TACC2: variants seen among roughly 807,000 people sequenced by gnomAD.
TACC2 encodes the protein transforming acidic coiled-coil-containing protein 2.
Under a neutral mutation model 227.3 loss-of-function variants are expected in TACC2, and 137 were observed. The ratio of observed to expected loss-of-function variants is 0.60; its 90% confidence interval spans 0.52 to 0.69. The LOEUF (loss-of-function observed/expected upper bound fraction) is 0.69, where lower values mean the gene tolerates loss of function less well. Among genes scored for constraint, TACC2 ranks in the 30% least tolerant of loss-of-function variants. The probability of loss-of-function intolerance (pLI) is 0.00; values close to 1 mark genes in which losing one functional copy is unlikely to be tolerated. For synonymous variants in TACC2, 1,523 were observed against 1,487.5 expected (o/e 1.02, Z -0.55); for missense variants, 3,470 against 3,694.4 (o/e 0.94, Z 1.57).
At position 122,216,648 on chromosome 10, in the gene TACC2, C is replaced by G; in HGVS notation, c.7366C>G (p.Pro2456Ala). The change falls in exon 11 of 23, where the codon CCA (proline) becomes GCA (alanine). Residue 2456 changes from proline to alanine, a missense_variant. Transcript: ENST00000369005. ...GCAGGACCCCACCCCAGCTGCTACACCAGAAACACCACCAGTGATCTCTGC... is the reference window on the plus strand; with the variant it reads ...GCAGGACCCCACCCCAGCTGCTACAGCAGAAACACCACCAGTGATCTCTGC... ...PSQDPTPAAT[P>A]ETPPVISAVV... 6.2e-7 allele frequency: 1 copy of G among 1,613,884 alleles called. No individual in the cohort carries two copies. Among genetic ancestry groups the G allele is most frequent in the East Asian group, 2.2e-5 (1 of 44,842 alleles).
Position 122,083,946 on chromosome 10 carries a change from A to G in TACC2, c.1446A>G (p.Pro482=). The G allele has an allele frequency of 6.2e-7, 1 of 1,614,112 alleles. No homozygotes were observed. Among genetic ancestry groups the G allele is most frequent in the Non-Finnish European group, 8.5e-7 (1 of 1,180,028 alleles). Residue 482 remains proline, a synonymous_variant, in exon 4 of 23, where the codon CCA becomes CCG. Transcript: ENST00000369005. ...ATCTTGGAAGCAAGGGAGAGCATCC[A>G]GAAGGGGACCCTGGAGAGGTTCCTG... is the stretch of plus-strand genomic sequence containing the variant. The part of the protein sequence containing the change: ...VSDLGSKGEH[P]EGDPGEVPAP...
intron 8 of TACC2, among the ~76,000 whole-genome samples, chr10:122,199,757 C>T (rs574256633): frequency 6.6e-6 from 1 of 152,292 alleles, no homozygotes; most frequent in Admixed American, 6.5e-5. Context: ...AAATGTATTG[C>T]TTACAGTTCT....
At chr10:122,088,845 G>A in intron 5 of TACC2, 1 of 1,211,230 alleles carries the variant, frequency 8.3e-7, no homozygotes, top group Non-Finnish European at 1.1e-6. Flanking sequence ...GTCAGTCTGG[G>A]TGCGGTGGCT....
At chr10:121,990,944 C>T (rs1393793978) in intron 1 of TACC2, among the ~76,000 whole-genome samples, 2 of 152,078 alleles carry the variant, frequency 1.3e-5, no homozygotes, top group Non-Finnish European at 2.9e-5. Context: ...CCTGCCACCA[C>T]GCCCAGCTAA....
rs1025016213 is a variant in TACC2, at chr10:122,085,329, A to C, written c.2829A>C (p.Ala943=). 6.2e-7 allele frequency: 1 copy of C among 1,614,060 alleles called. No homozygotes were observed. Reference sequence around the variant, plus strand: ...CACCAACGAGACAGAAGTTGCCTGCACTAGGGGAGAAGCGGCCAGAGGGAG... The same window carrying C: ...CACCAACGAGACAGAAGTTGCCTGCCCTAGGGGAGAAGCGGCCAGAGGGAG... ...LSAPTRQKLP[A]LGEKRPEGAC... is the part of the protein sequence containing the mutation. The change falls in exon 4 of 23, where the codon GCA becomes GCC. Residue 943 remains alanine (A), a synonymous_variant. Transcript: ENST00000369005.
intron 3 of TACC2, among the ~76,000 whole-genome samples, chr10:122,082,338 T>C (rs2079605439): frequency 6.6e-6 from 1 of 152,104 alleles, no homozygotes; most frequent in Non-Finnish European, 1.5e-5. Flanking sequence ...CCTTTTTGGG[T>C]TTCCCACATT....
chr10:122,031,693 A>G (rs547352229), intron 2 of TACC2, among the ~76,000 whole-genome samples: 39 of 144,372 alleles, frequency 2.7e-4, no homozygotes, highest in African/African-American at 7.5e-4. Context: ...GTGAGCCACC[A>G]CGCCTGGCCC....
At chr10:122,015,930 T>C (rs1351513806) in intron 1 of TACC2, among the ~76,000 whole-genome samples, 2 of 149,064 alleles carry the variant, frequency 1.3e-5, no homozygotes, top group Non-Finnish European at 1.5e-5. Context: ...CTTTGCACTT[T>C]ACATTCCAGG....
intron 2 of TACC2, among the ~76,000 whole-genome samples, chr10:122,038,321 G>A (rs2073835246): frequency 6.6e-6 from 1 of 152,160 alleles, no homozygotes; most frequent in Non-Finnish European, 1.5e-5. Context: ...GGGCTGACAT[G>A]AAAAAAGTGA....
At chr10:122,067,376 A>G (rs1034146559) in intron 3 of TACC2, among the ~76,000 whole-genome samples, 3 of 152,004 alleles carry the variant, frequency 2.0e-5, no homozygotes, top group African/African-American at 4.8e-5. Context: ...TCTGGCTTTC[A>G]TTATTTCCAA....
intron 3 of TACC2, among the ~76,000 whole-genome samples, chr10:122,066,129 C>T (rs1248010459): frequency 1.3e-5 from 2 of 151,272 alleles, no homozygotes; most frequent in African/African-American, 2.4e-5. Flanking sequence ...CAGGGTCTCA[C>T]TCTATCACCC....
At position 122,143,594 on chromosome 10, in the gene TACC2, G is replaced by C; in HGVS notation, c.5722G>C (p.Ala1908Pro). The change falls in exon 7 of 23, where the codon GCG becomes CCG. Residue 1908 changes from alanine (A) to proline (P), a missense_variant. Physicochemically the swap from Ala to Pro is conservative, Grantham distance 27 (BLOSUM62 -1). Coordinates refer to ENST00000369005, the MANE Select transcript of TACC2 (RefSeq NM_206862.4). ...CAGCATCTCCCCAGCTGCTGCCCATGCGGGTCTTCCTCCCTCGGCTGCAGA... is the reference window on the plus strand; with the variant it reads ...CAGCATCTCCCCAGCTGCTGCCCATCCGGGTCTTCCTCCCTCGGCTGCAGA... ...AQSISPAAAH[A>P]GLPPSAAEHI... 6.2e-7 allele frequency: 1 copy of C among 1,614,092 alleles called. No individual in the cohort carries two copies. The highest frequency in any genetic ancestry group is 8.5e-7 in the Non-Finnish European group (1 of 1,179,956).
chr10:122,249,710 C>G, intron 22 of TACC2, 46 bp downstream of exon 22: 1 of 1,576,952 alleles, frequency 6.3e-7, no homozygotes, highest in Non-Finnish European at 8.6e-7. Flanking sequence ...GGCTGCTGCT[C>G]TCTGTGCTGC....
At chr10:122,251,849 G>A (rs933929663) in intron 22 of TACC2, among the ~76,000 whole-genome samples, 2 of 152,254 alleles carry the variant, frequency 1.3e-5, no homozygotes, top group Non-Finnish European at 2.9e-5. Flanking sequence ...GTTTGATGGT[G>A]TTTAAATTGC....
chr10:122,093,830 T>C (rs1487834817), intron 5 of TACC2, among the ~76,000 whole-genome samples: 4 of 152,228 alleles, frequency 2.6e-5, no homozygotes, highest in Admixed American at 6.5e-5. Context: ...TGGTAACTAC[T>C]CTTGTAATTT....
chr10:122,021,296 G>T (rs760166155), intron 1 of TACC2, among the ~76,000 whole-genome samples: 9 of 151,816 alleles, frequency 5.9e-5, no homozygotes, highest in Non-Finnish European at 8.8e-5. Context: ...CTCATGAAAT[G>T]ATTCTAGTTG....
chr10:122,103,356 C>A (rs755715318), intron 5 of TACC2, among the ~76,000 whole-genome samples: 3 of 152,194 alleles, frequency 2.0e-5, no homozygotes, highest in Admixed American at 1.3e-4. Context: ...CCACTCAAAG[C>A]CTGCTTCCTC....
intron 11 of TACC2, among the ~76,000 whole-genome samples, chr10:122,221,296 A>T (rs1215333965): frequency 6.6e-6 from 1 of 152,210 alleles, no homozygotes; most frequent in Non-Finnish European, 1.5e-5. Flanking sequence ...CAGTGGGAGA[A>T]AACTTAACCC....
At chr10:122,067,266 A>G (rs2136594822) in intron 3 of TACC2, among the ~76,000 whole-genome samples, 1 of 152,182 alleles carries the variant, frequency 6.6e-6, no homozygotes, top group East Asian at 1.9e-4. Flanking sequence ...GTCTGGAAAA[A>G]TCTTTATTTC....
Sources: gnomAD v4.1 joint callset for allele counts (sites outside exome capture counted in the v4.1 genomes callset) on GRCh38, gnomAD v4.1.1 for gene constraint, MANE v1.5 for transcripts, NCBI Gene and HGNC (gene_info 2026-07-23, HGNC 2026-07-21) for gene names.